Variants in GALNT13 observed in about 807,000 individuals in gnomAD.
The protein encoded by GALNT13 is polypeptide N-acetylgalactosaminyltransferase 13.
GALNT13 carries 28 observed loss-of-function variants against 64.2 expected under a neutral mutation model. The observed-to-expected ratio is 0.44, with a 90% CI of 0.32 to 0.60. The LOEUF (loss-of-function observed/expected upper bound fraction) is 0.60, where lower values mean the gene tolerates loss of function less well. Ranked by LOEUF, GALNT13 falls within the 20% of genes least tolerant of loss-of-function variation. The pLI, the probability that GALNT13 is intolerant of heterozygous loss-of-function variation, is 0.05. For missense variants in GALNT13, 577 were observed against 669.8 expected, an observed-to-expected ratio of 0.86 and a Z score of 1.53; for synonymous variants, 214 against 224.6, an observed-to-expected ratio of 0.95 and a Z score of 0.42.
the GALNT13 span, among the ~76,000 whole-genome samples, chr2:153,713,124 G>A: frequency 6.6e-6 from 1 of 152,156 alleles, no homozygotes; most frequent in Non-Finnish European, 1.5e-5. Flanking sequence ...AATTTAAATT[G>A]TAGAGAAGTT....
chr2:154,437,852 T>TAAAAAA (rs10714112), intron 11 of GALNT13: 1 of 116,440 alleles, frequency 8.6e-6, no homozygotes, highest in African/African-American at 3.4e-5. Context: ...AGACTCCATC[T>TAAAAAA]AAAAAAAAAA....
At chr2:154,126,614 G>T (rs529379687) in intron 3 of GALNT13, among the ~76,000 whole-genome samples, 1 of 142,832 alleles carries the variant, frequency 7.0e-6, no homozygotes, top group African/African-American at 2.6e-5. Flanking sequence ...CAGCCCGGAC[G>T]ACAGAGCGAG....
At chr2:153,844,130 A>G in the GALNT13 span, among the ~76,000 whole-genome samples, 1 of 151,936 alleles carries the variant, frequency 6.6e-6, no homozygotes, top group Non-Finnish European at 1.5e-5. Flanking sequence ...TGGGGGCTCC[A>G]ATCCCACATG....
chr2:153,590,273 C>A, the GALNT13 span, among the ~76,000 whole-genome samples: 3 of 152,036 alleles, frequency 2.0e-5, no homozygotes, highest in Admixed American at 1.3e-4. Context: ...TACAACCTCT[C>A]AAGATTGAAT....
chr2:153,342,229 A>C, the GALNT13 span, among the ~76,000 whole-genome samples: 6 of 152,232 alleles, frequency 3.9e-5, no homozygotes, highest in South Asian at 4.1e-4. Flanking sequence ...AGCAAGGCAC[A>C]TGAAAATGGC....
At chr2:154,180,911 A>T (rs901461981) in intron 4 of GALNT13, among the ~76,000 whole-genome samples, 6 of 152,206 alleles carry the variant, frequency 3.9e-5, no homozygotes, top group Non-Finnish European at 8.8e-5. Flanking sequence ...GCACTGGTCC[A>T]CACATGTGCA....
the GALNT13 span, among the ~76,000 whole-genome samples, chr2:153,475,149 G>A: frequency 6.6e-6 from 1 of 152,192 alleles, no homozygotes. Flanking sequence ...GGAATAGAGA[G>A]TGTAAAAAGC....
the GALNT13 span, among the ~76,000 whole-genome samples, chr2:153,162,261 T>G: frequency 6.6e-6 from 1 of 152,212 alleles, no homozygotes; most frequent in African/African-American, 2.4e-5. Flanking sequence ...TTTGACCATA[T>G]GTAGTTTTAA....
chr2:153,172,446 G>A, the GALNT13 span, among the ~76,000 whole-genome samples: 2 of 152,190 alleles, frequency 1.3e-5, no homozygotes, highest in African/African-American at 4.8e-5. Context: ...AGGACTTTTG[G>A]ACAGACTACT....
At chr2:153,883,938 A>G (rs1230032247) in intron 1 of GALNT13, among the ~76,000 whole-genome samples, 1 of 152,038 alleles carries the variant, frequency 6.6e-6, no homozygotes, top group African/African-American at 2.4e-5. Context: ...AATTGTGGTG[A>G]TAGAACAAAA....
the GALNT13 span, among the ~76,000 whole-genome samples, chr2:153,836,871 T>G: frequency 2.0e-5 from 3 of 152,090 alleles, no homozygotes; most frequent in African/African-American, 7.2e-5. Context: ...TATTCCGTGG[T>G]GTATATGTGC....
the GALNT13 span, among the ~76,000 whole-genome samples, chr2:153,255,116 A>G: frequency 3.3e-5 from 5 of 151,790 alleles, no homozygotes; most frequent in African/African-American, 1.2e-4. Flanking sequence ...GTCTCTTTGT[A>G]GGTCACTCAG....
the GALNT13 span, among the ~76,000 whole-genome samples, chr2:153,293,701 G>A: frequency 6.6e-6 from 1 of 152,026 alleles, no homozygotes; most frequent in South Asian, 2.1e-4. Context: ...AAACATAGTA[G>A]AGTTAATCAT....
At position 154,017,348 on chromosome 2, in the gene GALNT13, C is replaced by T. The variant is rs935159316; in HGVS notation, c.142+72709C>T. Among the ~76,000 whole-genome samples the T allele has an allele frequency of 2.0e-5, 3 of 152,030 alleles. No individual in the cohort carries two copies. In the East Asian group the frequency reaches 5.8e-4, roughly 29 times the overall value. ...ACATCCTTGTATGAGTAGGAATGGG[C>T]AGTACTAGCTTTGGAGCCATAATGT... On this transcript the variant is annotated intron_variant, in intron 3 of 12. Transcript: ENST00000392825.
Position 153,937,007 on chromosome 2 carries a change from G to A in GALNT13, c.-104-7387G>A, listed in dbSNP as rs141063977. ...GCTGGGATTACAGGCGTGAGCAACC[G>A]TGCCTGGCCATTAAATTTAAATTTT... is the stretch of plus-strand genomic sequence containing the variant. On this transcript the variant is annotated intron_variant, in intron 2 of 12. Coordinates refer to ENST00000392825, the MANE Select transcript of GALNT13 (RefSeq NM_052917.4). 2.6e-3 allele frequency among the ~76,000 whole-genome samples: 401 copies of A among 152,178 alleles called. 9 individuals are homozygous for A. In the East Asian group the frequency reaches 0.055, roughly 21 times the overall value.
the GALNT13 span, among the ~76,000 whole-genome samples, chr2:153,136,702 C>G: frequency 6.6e-6 from 1 of 151,904 alleles, no homozygotes; most frequent in South Asian, 2.1e-4. Context: ...TTTTTGTCCT[C>G]TTTTGCATGG....
chr2:153,538,069 G>A, the GALNT13 span, among the ~76,000 whole-genome samples: 1 of 152,126 alleles, frequency 6.6e-6, no homozygotes, highest in Non-Finnish European at 1.5e-5. Context: ...GGGAAAGTTT[G>A]GAACTCCCTG....
At chr2:153,116,863 G>A in the GALNT13 span, among the ~76,000 whole-genome samples, 34 of 141,910 alleles carry the variant, frequency 2.4e-4, no homozygotes, top group African/African-American at 6.7e-4. Flanking sequence ...GCAGGGGCGC[G>A]ATCTTGGCTC....
At chr2:153,455,077 G>T in the GALNT13 span, among the ~76,000 whole-genome samples, 1 of 152,072 alleles carries the variant, frequency 6.6e-6, no homozygotes, top group Non-Finnish European at 1.5e-5. Flanking sequence ...TTTACATTGG[G>T]GATAGGAAGG....
Sources: allele counts gnomAD v4.1 joint callset (sites outside exome capture counted in the v4.1 genomes callset), GRCh38; gene constraint gnomAD v4.1.1; transcripts MANE v1.5; gene names NCBI Gene and HGNC (gene_info 2026-07-23, HGNC 2026-07-21).